The following WNK1 variants were observed in gnomAD, a reference collection of about 807,000 sequenced individuals.
WNK1 encodes WNK lysine deficient protein kinase 1, also known as serine/threonine-protein kinase WNK1.
In WNK1, 38 loss-of-function variants were observed where a neutral mutation model predicts 222.8. That is an observed-to-expected ratio of 0.17 (90% CI 0.13 to 0.22). WNK1 has a LOEUF of 0.22. Ranked by LOEUF, WNK1 falls within the 10% of genes least tolerant of loss-of-function variation. WNK1 has a pLI of 1.00. For missense variants in WNK1, 2,348 were observed against 2,918.4 expected, an observed-to-expected ratio of 0.80 and a Z score of 4.50; for synonymous variants, 1,090 against 1,092.9, an observed-to-expected ratio of 1.00 and a Z score of 0.05.
intron 1 of WNK1, among the ~76,000 whole-genome samples, chr12:809,260 T>A (rs1330711957): frequency 8.1e-6 from 1 of 123,434 alleles, no homozygotes; most frequent in Non-Finnish European, 1.7e-5. Flanking sequence ...TTTTTTTTGG[T>A]CTTTCTGAAA....
intron 8 of WNK1, chr12:868,338 A>G: frequency 6.2e-7 from 1 of 1,613,726 alleles, no homozygotes; most frequent in Non-Finnish European, 8.5e-7. Context: ...ATTCCATACA[A>G]CTCATCAGTA....
At chr12:848,037 C>T (rs1391937060) in intron 4 of WNK1, among the ~76,000 whole-genome samples, 1 of 151,954 alleles carries the variant, frequency 6.6e-6, no homozygotes, top group Non-Finnish European at 1.5e-5. Flanking sequence ...TTCTTGACCT[C>T]CTCGTGATCT....
In WNK1 at chr12:753,327, C is replaced by G. The variant is rs1199944269; in HGVS notation, c.-239C>G. On this transcript the variant is annotated 5_prime_UTR_variant, in exon 1 of 28. Transcript: ENST00000315939. The surrounding 1 kb of genome is among the most constrained non-coding windows in gnomAD (Gnocchi z 5.2). Reference sequence around the variant, plus strand: ...CCCCGTGGCTCAGCTCCCGAATCGCCCGCCTTCGAGCCCTCCTCGTGAGCC... The same window carrying G: ...CCCCGTGGCTCAGCTCCCGAATCGCGCGCCTTCGAGCCCTCCTCGTGAGCC... 2 of 574,446 alleles carry G rather than the reference C, an allele frequency of 3.5e-6. No individual in the cohort carries two copies. The highest frequency in any genetic ancestry group is 4.0e-5 in the African/African-American group (2 of 50,586). The allele number at this position is 574,446 out of a possible 1,614,324, so 35.6% of individuals were successfully genotyped here. A position where few individuals can be genotyped will look rare whatever the true frequency, so the allele number is the denominator to read the frequency against.
chr12:809,030 C>T (rs1946657786), intron 1 of WNK1, among the ~76,000 whole-genome samples: 1 of 151,958 alleles, frequency 6.6e-6, no homozygotes, highest in African/African-American at 2.4e-5. Context: ...TCCCAAAGTG[C>T]TGGGATTACA....
rs1036069377 is a variant in WNK1, at chr12:882,284, T to C, written c.3372+211T>C. Among the ~76,000 whole-genome samples, 51 of 152,200 alleles carry C rather than the reference T, an allele frequency of 3.4e-4. 1 individual carries two copies. The highest frequency in any genetic ancestry group is 3.4e-3 in the Middle Eastern group (1 of 294). ...TGATCTCTTCTCACTGTGATTGCAGTGCCTCCTGGGTTCAAGCGATTCTCC... is the reference window on the plus strand; with the variant it reads ...TGATCTCTTCTCACTGTGATTGCAGCGCCTCCTGGGTTCAAGCGATTCTCC... On this transcript the variant is annotated intron_variant, in intron 14 of 27. Coordinates refer to ENST00000315939, the MANE Select transcript of WNK1 (RefSeq NM_018979.4).
chr12:804,061 A>C (rs1227944132), intron 1 of WNK1, among the ~76,000 whole-genome samples: 1 of 152,236 alleles, frequency 6.6e-6, no homozygotes, highest in Non-Finnish European at 1.5e-5. Flanking sequence ...TAAAGACCTA[A>C]GATGACCAAT....
intron 4 of WNK1, among the ~76,000 whole-genome samples, chr12:833,330 T>C (rs2154030259): frequency 6.6e-6 from 1 of 152,360 alleles, no homozygotes; most frequent in East Asian, 1.9e-4. Context: ...TATCCTTTCT[T>C]GGTATAAGGA....
intron 4 of WNK1, among the ~76,000 whole-genome samples, chr12:848,487 C>T (rs1950186164): frequency 8.8e-6 from 1 of 113,070 alleles, no homozygotes; most frequent in South Asian, 3.1e-4. Context: ...GCAAAGAAGC[C>T]AGTAAAAACT....
intron 1 of WNK1, among the ~76,000 whole-genome samples, chr12:764,703 G>C (rs1001221754): frequency 7.8e-6 from 1 of 128,650 alleles, no homozygotes; most frequent in East Asian, 2.2e-4. Context: ...CTGACAAAAA[G>C]AAATTAAAAA....
intron 26 of WNK1, chr12:906,294 G>C (rs931411046): frequency 2.0e-6 from 2 of 984,534 alleles, no homozygotes. Context: ...TCCCCAAAAC[G>C]TGCCTCTTGG....
chr12:885,145 G>C lies in WNK1; in HGVS notation c.4341G>C (p.Leu1447=). 3.1e-6 allele frequency: 5 copies of C among 1,614,160 alleles called. No homozygotes were observed. Among genetic ancestry groups the C allele is most frequent in the Non-Finnish European group, 4.2e-6 (5 of 1,180,022 alleles). Residue 1447 remains leucine (L), a synonymous_variant, in exon 19 of 28, where the codon CTG becomes CTC. Transcript: ENST00000315939. ...AGATCGTTGTTTCTAGTACAGCACT[G>C]TATCCTTCAGTAACAGTTTCAGCAA... ...TSEIVVSSTA[L]YPSVTVSATS... is the part of the protein sequence containing the mutation.
intron 15 of WNK1, 25 bp from the exon 16 acceptor site, chr12:883,370 G>T (rs554289112): frequency 1.2e-6 from 2 of 1,613,552 alleles, no homozygotes; most frequent in Admixed American, 1.7e-5. Context: ...ACACTAATTA[G>T]ACTGACATCA....
rs575288743 is a variant in WNK1 at position 893,137 on chromosome 12, G to A, written c.5510-1425G>A. Among the ~76,000 whole-genome samples, 126 of 152,198 alleles carry A rather than the reference G, an allele frequency of 8.3e-4. 1 individual carries two copies. Among genetic ancestry groups the A allele is most frequent in the Middle Eastern group, 6.8e-3 (2 of 294 alleles). On this transcript the variant is annotated intron_variant, in intron 22 of 27. Coordinates refer to ENST00000315939, the MANE Select transcript of WNK1 (RefSeq NM_018979.4). ...CCGGATGTGGTGGTGTGCACCTGTT[G>A]TTCTAGCTTCTCAGGAGGCTGAGGA...
intron 4 of WNK1, among the ~76,000 whole-genome samples, chr12:838,857 A>G (rs1949403284): frequency 6.6e-6 from 1 of 152,176 alleles, no homozygotes; most frequent in Non-Finnish European, 1.5e-5. Flanking sequence ...TGGAACCACA[A>G]CATATCTTTT....
intron 1 of WNK1, among the ~76,000 whole-genome samples, chr12:812,339 A>AT (rs2154008190): frequency 6.6e-6 from 1 of 152,312 alleles, no homozygotes; most frequent in Admixed American, 6.5e-5. Flanking sequence ...GGGAAAAGAC[A>AT]TTTATGGAAT....
rs2154105270 is a variant in WNK1 at position 909,820 on chromosome 12, G to A, written c.*1028G>A. 6.6e-6 allele frequency: 1 copy of A among 152,198 alleles called. No homozygotes were observed. Among genetic ancestry groups the A allele is most frequent in the East Asian group, 1.9e-4 (1 of 5,204 alleles). 9.4% of individuals were successfully genotyped at this position (152,198 alleles called of 1,614,324 possible). On this transcript the variant is annotated 3_prime_UTR_variant, in exon 28 of 28. Transcript: ENST00000315939. ...GCAGTCCAGCAGTGGTTATGCCAAA[G>A]GGAAATTGAAAAAGTATTTTTTTAA...
At chr12:888,062 T>G (rs1232423113) in intron 20 of WNK1, among the ~76,000 whole-genome samples, 1 of 152,220 alleles carries the variant, frequency 6.6e-6, no homozygotes, top group African/African-American at 2.4e-5. Flanking sequence ...GTACTAATTG[T>G]GAATCTGTTG....
intron 4 of WNK1, chr12:851,876 C>A: frequency 2.9e-6 from 3 of 1,040,634 alleles, no homozygotes; most frequent in Non-Finnish European, 3.8e-6. Flanking sequence ...TGTTAACTTT[C>A]AGTTAAAGTA....
In WNK1 at chr12:893,332, A is replaced by G. The variant is rs1385143619; in HGVS notation, c.5510-1230A>G. Among the ~76,000 whole-genome samples, 3 of 152,222 alleles carry G rather than the reference A, an allele frequency of 2.0e-5. No homozygotes were observed. The East Asian group carries it at 5.8e-4, about 29-fold the overall frequency. ...GCCTGATTAAATATGAAATATATAT[A>G]TGGTATATACATAGGGTATGACACT... On this transcript the variant is annotated intron_variant, in intron 22 of 27. Transcript: ENST00000315939.
Sources: allele counts gnomAD v4.1 joint callset (sites outside exome capture counted in the v4.1 genomes callset), GRCh38; gene constraint gnomAD v4.1.1; non-coding constraint Gnocchi (gnomAD v3.1); transcripts MANE v1.5; gene names NCBI Gene and HGNC (gene_info 2026-07-23, HGNC 2026-07-21).